The following FSTL5 variants were observed in gnomAD, a reference collection of about 807,000 sequenced individuals.
The protein encoded by FSTL5 is follistatin-related protein 5.
Under a neutral mutation model 89.1 loss-of-function variants are expected in FSTL5, and 62 were observed. That is an observed-to-expected ratio of 0.70 (90% confidence interval 0.57 to 0.86). The LOEUF (loss-of-function observed/expected upper bound fraction) is 0.86. FSTL5 is among the 40% of genes least tolerant of loss of function. FSTL5 has a pLI of 0.00. For missense variants in FSTL5, 1,057 were observed against 1,001.6 expected (o/e 1.06, Z -0.75); for synonymous variants, 383 against 346.2 (o/e 1.11, Z -1.18).
chr4:161,412,814 G>T lies in FSTL5; in HGVS notation c.1842-26365C>A, dbSNP rs572253364. On this transcript the variant is annotated intron_variant, in intron 15 of 15. Transcript: ENST00000306100. ...AAGGCCAAGAAAACAAAAAAGCAAC[G>T]TGGAAAGGACTTGCTATTCAATATA... is the stretch of plus-strand genomic sequence containing the variant. 2.6e-5 allele frequency among the ~76,000 whole-genome samples: 4 copies of T among 152,224 alleles called. No homozygotes were observed. In the South Asian group the frequency reaches 8.3e-4, roughly 32 times the overall value.
chr4:161,873,361 C>G (rs1165783431), intron 4 of FSTL5, among the ~76,000 whole-genome samples: 1 of 151,874 alleles, frequency 6.6e-6, no homozygotes, highest in Non-Finnish European at 1.5e-5. Flanking sequence ...ATCAGTACGC[C>G]CTTTAGGGTT....
At position 162,066,298 on chromosome 4, in the gene FSTL5, T is replaced by TTTTCTTCTTCTTCTTCTTC. The variant is rs1473905229; in HGVS notation, c.127-32659_127-32641dup. Among the ~76,000 whole-genome samples, 673 of 88,068 alleles carry TTTTCTTCTTCTTCTTCTTC rather than the reference T, an allele frequency of 7.6e-3. 9 individuals carry two copies. Among genetic ancestry groups the TTTTCTTCTTCTTCTTCTTC allele is most frequent in the Non-Finnish European group, 8.8e-3 (379 of 43,052 alleles). 57.8% of individuals were successfully genotyped at this position (88,068 alleles called of 152,430 possible). ...TTCCTCCTCCTCCTCCTCCTCCTAC[T>TTTTCTTCTTCTTCTTCTTC]TTTCTTCTTCTTCTTCTTCTTCTTC... On this transcript the variant is annotated intron_variant, in intron 2 of 15. Transcript: ENST00000306100.
At chr4:161,817,593 G>C (rs76332666) in intron 4 of FSTL5, among the ~76,000 whole-genome samples, 2,614 of 152,158 alleles carry the variant, frequency 0.017, 92 homozygotes, top group African/African-American at 0.058. Context: ...GCAATTCTTA[G>C]CAGTTTTATT....
At chr4:162,130,929 T>C (rs924107742) in intron 1 of FSTL5, among the ~76,000 whole-genome samples, 3 of 152,052 alleles carry the variant, frequency 2.0e-5, no homozygotes, top group Non-Finnish European at 4.4e-5. Context: ...CAATAACACA[T>C]TGAACATATT....
In FSTL5 at chr4:162,091,483, G is replaced by A. The variant is rs187015040; in HGVS notation, c.126+19788C>T. 1.2e-3 allele frequency among the ~76,000 whole-genome samples: 178 copies of A among 152,104 alleles called. 3 individuals carry two copies. The East Asian group carries it at 0.03, about 26-fold the overall frequency. On this transcript the variant is annotated intron_variant, in intron 2 of 15. Coordinates refer to ENST00000306100, the MANE Select transcript of FSTL5 (RefSeq NM_020116.5). ...ACAAGTGTCTGGGGTTTTGGGGTGG[G>A]GGGTTACTTCAAGTTTTCATTAAAA...
chr4:161,582,098 T>C lies in FSTL5; in HGVS notation c.1015+5357A>G, dbSNP rs150441291. Among the ~76,000 whole-genome samples, 584 of 152,336 alleles carry C rather than the reference T, an allele frequency of 3.8e-3. 7 individuals are homozygous for C. Among genetic ancestry groups the C allele is most frequent in the African/African-American group, 0.014 (569 of 41,588 alleles). On this transcript the variant is annotated intron_variant, in intron 8 of 15. Coordinates refer to ENST00000306100, the MANE Select transcript of FSTL5 (RefSeq NM_020116.5). ...GTTTGAAAAGGAACAGGGCTATAGA[T>C]AGACTTTTATTTGGCTTATGCTCTA...
intron 2 of FSTL5, among the ~76,000 whole-genome samples, chr4:162,056,654 C>A (rs1354596990): frequency 6.6e-6 from 1 of 152,056 alleles, no homozygotes; most frequent in Admixed American, 6.5e-5. Context: ...TCAGCATTTG[C>A]ATACATATCA....
Position 161,553,876 on chromosome 4 carries a change from C to T in FSTL5, c.1016-11183G>A, listed in dbSNP as rs563619288. On this transcript the variant is annotated intron_variant, in intron 8 of 15. Transcript: ENST00000306100. ...TATGTAACTTTTCAAGGAAACTGAACTATTGCTCAGTTTAAAAACGACATC... is the reference window on the plus strand; with the variant it reads ...TATGTAACTTTTCAAGGAAACTGAATTATTGCTCAGTTTAAAAACGACATC... 2.6e-5 allele frequency among the ~76,000 whole-genome samples: 4 copies of T among 151,594 alleles called. No homozygotes were observed. The East Asian group carries it at 5.9e-4, about 22-fold the overall frequency.
At chr4:162,033,524 A>G in intron 3 of FSTL5, 101 bp downstream of exon 3, 1 of 632,122 alleles carries the variant, frequency 1.6e-6, no homozygotes, top group South Asian at 2.3e-5. Context: ...AATTATCATT[A>G]TTTTCTCATT....
intron 7 of FSTL5, among the ~76,000 whole-genome samples, chr4:161,626,362 T>A (rs1208271441): frequency 1.3e-5 from 2 of 152,268 alleles, no homozygotes; most frequent in South Asian, 2.1e-4. Flanking sequence ...TAAGAATTAT[T>A]CTAAATCTAC....
chr4:162,105,095 C>G (rs1731167490), intron 2 of FSTL5, among the ~76,000 whole-genome samples: 1 of 152,100 alleles, frequency 6.6e-6, no homozygotes, highest in Non-Finnish European at 1.5e-5. Flanking sequence ...TGACGTAAAA[C>G]TGACAGAAAA....
chr4:161,715,026 GAAC>G, intron 6 of FSTL5, among the ~76,000 whole-genome samples: 1 of 152,024 alleles, frequency 6.6e-6, no homozygotes, highest in Non-Finnish European at 1.5e-5. Context: ...TAAAATATTT[GAAC>G]AACTAATAAT....
In FSTL5 at chr4:161,523,921, C is replaced by T. The variant is rs77880621; in HGVS notation, c.1313-13497G>A. Among the ~76,000 whole-genome samples, 990 of 152,006 alleles carry T rather than the reference C, an allele frequency of 6.5e-3. 14 individuals are homozygous for T. The highest frequency in any genetic ancestry group is 0.021 in the African/African-American group (867 of 41,462). On this transcript the variant is annotated intron_variant, in intron 10 of 15. Coordinates refer to ENST00000306100, the MANE Select transcript of FSTL5 (RefSeq NM_020116.5). ...ATAATTTTTACCTTTGAAGGGTAAACCAAAAATAAAATTCTAAGGTCCCCA... is the reference window on the plus strand; with the variant it reads ...ATAATTTTTACCTTTGAAGGGTAAATCAAAAATAAAATTCTAAGGTCCCCA...
At position 161,656,426 on chromosome 4, in the gene FSTL5, C is replaced by T. The variant is rs1000206514; in HGVS notation, c.796G>A (p.Ala266Thr). The T allele has an allele frequency of 6.2e-7, 1 of 1,610,534 alleles. No homozygotes were observed. Among genetic ancestry groups the T allele is most frequent in the Non-Finnish European group, 8.5e-7 (1 of 1,178,054 alleles). The change falls in exon 7 of 16, where the codon GCT becomes ACT. Residue 266 changes from alanine to threonine, a missense_variant. By Grantham distance (58) the Ala-to-Thr change is moderately conservative (BLOSUM62 0). Transcript: ENST00000306100. ...SITAATVGQSAVLSCAIQGTL... is the reference protein window; with the variant it reads ...SITAATVGQSTVLSCAIQGTL... ...CCTTGAATGGCACAGCTCAGAACAG[C>T]ACTTTGTCCCACAGTTGCTGCAGTG... is the stretch of plus-strand genomic sequence containing the variant.
chr4:161,479,311 T>A (rs1729417547), intron 13 of FSTL5, among the ~76,000 whole-genome samples: 1 of 152,070 alleles, frequency 6.6e-6, no homozygotes, highest in Non-Finnish European at 1.5e-5. Context: ...TTATTAATAT[T>A]TTCTATTAAT....
chr4:162,012,625 G>A (rs185247554), intron 3 of FSTL5, among the ~76,000 whole-genome samples: 7 of 152,122 alleles, frequency 4.6e-5, no homozygotes, highest in Admixed American at 3.9e-4. Context: ...ATTTTTGGTA[G>A]AAAAATATCC....
At chr4:162,001,598 T>TTGTG (rs34546507) in intron 3 of FSTL5, among the ~76,000 whole-genome samples, 2,123 of 149,988 alleles carry the variant, frequency 0.014, 32 homozygotes, top group East Asian at 0.048. Context: ...GATACATGCA[T>TTGTG]TGTGTGTGTG....
chr4:161,478,380 C>T (rs754868999), intron 13 of FSTL5, among the ~76,000 whole-genome samples: 163 of 152,236 alleles, frequency 1.1e-3, no homozygotes, highest in Middle Eastern at 3.4e-3. Flanking sequence ...CCAATCAATA[C>T]ATCACCTTGC....
At chr4:162,045,983 A>G (rs1362213630) in intron 2 of FSTL5, among the ~76,000 whole-genome samples, 1 of 152,132 alleles carries the variant, frequency 6.6e-6, no homozygotes, top group African/African-American at 2.4e-5. Flanking sequence ...TATGAGACAC[A>G]TTCTAACTAA....
Sources: allele counts gnomAD v4.1 joint callset (sites outside exome capture counted in the v4.1 genomes callset), GRCh38; gene constraint gnomAD v4.1.1; transcripts MANE v1.5; gene names NCBI Gene and HGNC (gene_info 2026-07-23, HGNC 2026-07-21).